The following MXD1 variants were observed in gnomAD, a reference collection of about 807,000 sequenced individuals.
MXD1 encodes MAX dimerization protein 1.
MXD1 carries 9 observed loss-of-function variants against 25.7 expected under a neutral mutation model. The observed-to-expected ratio is 0.35, with a 90% CI of 0.21 to 0.61. MXD1 has a LOEUF of 0.61. MXD1 is among the 20% of genes least tolerant of loss of function. The pLI is 0.75. For missense variants in MXD1, 227 were observed against 292.4 expected, an observed-to-expected ratio of 0.78 and a Z score of 1.63; for synonymous variants, 99 against 113.9, an observed-to-expected ratio of 0.87 and a Z score of 0.83.
At chr2:69,929,948 C>T (rs772299323) in intron 3 of MXD1, among the ~76,000 whole-genome samples, 6 of 152,196 alleles carry the variant, frequency 3.9e-5, no homozygotes, top group Non-Finnish European at 5.9e-5. Context: ...ACAGCACATT[C>T]CTCCTCATTA....
chr2:69,926,605 T>A (rs1462885282), intron 3 of MXD1, among the ~76,000 whole-genome samples: 1 of 152,242 alleles, frequency 6.6e-6, no homozygotes, highest in African/African-American at 2.4e-5. Context: ...GTCTTATACA[T>A]GTCCTGTAAA....
intron 3 of MXD1, among the ~76,000 whole-genome samples, chr2:69,924,827 T>C (rs552072818): frequency 1.4e-4 from 21 of 152,286 alleles, no homozygotes; most frequent in African/African-American, 4.8e-4. Context: ...TTTCTTGATA[T>C]TGCAGAGTTG....
chr2:69,924,761 G>A (rs894878635), intron 3 of MXD1, among the ~76,000 whole-genome samples: 1 of 151,486 alleles, frequency 6.6e-6, no homozygotes, highest in African/African-American at 2.4e-5. Context: ...AAAAAAAAAA[G>A]GAAGAAGAAG....
intron 4 of MXD1, 25 bp downstream of exon 4, chr2:69,935,490 T>C: frequency 6.7e-7 from 1 of 1,492,694 alleles, no homozygotes; most frequent in Non-Finnish European, 9.3e-7. Flanking sequence ...GGGATGCTGC[T>C]TTATCTTTAC....
At position 69,941,262 on chromosome 2, in the gene MXD1, T is replaced by C. The variant is rs1276057430; in HGVS notation, c.*2978T>C. 1 of 152,248 alleles carries C rather than the reference T, an allele frequency of 6.6e-6. No homozygotes were observed. The highest frequency in any genetic ancestry group is 1.9e-4 in the East Asian group (1 of 5,202). The allele number at this position is 152,248 out of a possible 1,614,324, so 9.4% of individuals were successfully genotyped here. A position where few individuals can be genotyped will look rare whatever the true frequency, so the allele number is the denominator to read the frequency against. On this transcript the variant is annotated 3_prime_UTR_variant, in exon 6 of 6. Coordinates refer to ENST00000264444, the MANE Select transcript of MXD1 (RefSeq NM_002357.4). ...CAGTGGGAAAATATATATGTGTGCT[T>C]CTGTAACATCCTGAAAACATAGCTT...
rs140974687 is a variant in MXD1 at position 69,941,924 on chromosome 2, G to A, written c.*3640G>A. 2.6e-5 allele frequency: 4 copies of A among 152,072 alleles called. No individual in the cohort carries two copies. The highest frequency in any genetic ancestry group is 9.6e-5 in the African/African-American group (4 of 41,490). The allele number at this position is 152,072 out of a possible 1,614,324, so 9.4% of individuals were successfully genotyped here. A position where few individuals can be genotyped will look rare whatever the true frequency, so the allele number is the denominator to read the frequency against. On this transcript the variant is annotated 3_prime_UTR_variant, in exon 6 of 6. Coordinates refer to ENST00000264444, the MANE Select transcript of MXD1 (RefSeq NM_002357.4). ...GGTTTTTATACCATACTGTATTGGC[G>A]AGAATACCACTATCATTGTCCTTTA...
Position 69,937,268 on chromosome 2 carries a change from CA to C in MXD1, c.355del (p.Ile119SerfsTer11). 1 of 1,614,044 alleles carries C rather than the reference CA, an allele frequency of 6.2e-7. No homozygotes were observed. Among genetic ancestry groups the C allele is most frequent in the African/African-American group, 1.3e-5 (1 of 75,058 alleles). On this transcript the variant is annotated frameshift_variant, in exon 5 of 6. Coordinates refer to ENST00000264444, the MANE Select transcript of MXD1 (RefSeq NM_002357.4). LOFTEE classifies it high-confidence loss of function. ...LEDCDRKAVH[Q>X]IDQLQREQRH... ...AGATTGTGACAGAAAAGCCGTTCAC[CA>C]AATCGACCAGCTTCAGCGAGAGCAG...
chr2:69,918,403 A>G (rs1445486009), intron 2 of MXD1, among the ~76,000 whole-genome samples: 2 of 151,610 alleles, frequency 1.3e-5, no homozygotes, highest in Admixed American at 1.3e-4. Flanking sequence ...AACAACAAAA[A>G]TGAAAATGAA....
At position 69,931,993 on chromosome 2, in the gene MXD1, C is replaced by T. The variant is rs564676216; in HGVS notation, c.204-3358C>T. Among the ~76,000 whole-genome samples, 523 of 152,250 alleles carry T rather than the reference C, an allele frequency of 3.4e-3. 3 individuals carry two copies. The highest frequency in any genetic ancestry group is 0.01 in the African/African-American group (433 of 41,536). On this transcript the variant is annotated intron_variant, in intron 3 of 5. Coordinates refer to ENST00000264444, the MANE Select transcript of MXD1 (RefSeq NM_002357.4). Reference sequence around the variant, plus strand: ...TGGGAGGAGAGTCAACTTCCTGGGTCACACTGAGGTGTCGGGTGGCTTCCT... The same window carrying T: ...TGGGAGGAGAGTCAACTTCCTGGGTTACACTGAGGTGTCGGGTGGCTTCCT...
intron 5 of MXD1, 100 bp from the exon 6 acceptor site, chr2:69,937,997 T>G: frequency 8.7e-7 from 1 of 1,146,350 alleles, no homozygotes; most frequent in Non-Finnish European, 1.2e-6. Flanking sequence ...TCCACCCGCC[T>G]TTGCCTCCCA....
intron 3 of MXD1, among the ~76,000 whole-genome samples, chr2:69,929,759 A>T (rs1677242143): frequency 6.6e-6 from 1 of 152,234 alleles, no homozygotes; most frequent in East Asian, 1.9e-4. Context: ...TTTTCTGAAT[A>T]ATCCATTCTT....
At chr2:69,917,827 C>CA (rs772479623) in intron 2 of MXD1, among the ~76,000 whole-genome samples, 5,219 of 88,646 alleles carry the variant, frequency 0.059, 146 homozygotes, top group Non-Finnish European at 0.074. Context: ...AGTACTATGC[C>CA]AAAAAAAAAA....
chr2:69,921,966 C>A (rs1677072412), intron 3 of MXD1, among the ~76,000 whole-genome samples: 1 of 152,164 alleles, frequency 6.6e-6, no homozygotes, highest in Admixed American at 6.5e-5. Flanking sequence ...ACACCCCTAA[C>A]CCTCACCCGC....
At chr2:69,936,250 ATC>A (rs1299153361) in intron 4 of MXD1, among the ~76,000 whole-genome samples, 1 of 152,076 alleles carries the variant, frequency 6.6e-6, no homozygotes, top group Non-Finnish European at 1.5e-5. Context: ...ATCACTGGGT[ATC>A]TCTTAGCCCT....
At chr2:69,935,770 C>T (rs1309713410) in intron 4 of MXD1, among the ~76,000 whole-genome samples, 1 of 152,152 alleles carries the variant, frequency 6.6e-6, no homozygotes. Flanking sequence ...ATTTTGCAAC[C>T]GGTCTACTTC....
rs1677512404 is a variant in MXD1 at position 69,938,444 on chromosome 2, TG to T, written c.*163del. On this transcript the variant is annotated 3_prime_UTR_variant, in exon 6 of 6. Transcript: ENST00000264444. Reference sequence around the variant, plus strand: ...GTTTTCAAGGAGGTGCTTAGGATTGTGGGTTTCTGATTGCATCCACTAGCTT... The same window carrying T: ...GTTTTCAAGGAGGTGCTTAGGATTGTGGTTTCTGATTGCATCCACTAGCTT... 1 of 697,976 alleles carries T rather than the reference TG, an allele frequency of 1.4e-6. No individual in the cohort carries two copies. 43.2% of individuals were successfully genotyped at this position (697,976 alleles called of 1,614,324 possible). A position where few individuals can be genotyped will look rare whatever the true frequency, so the allele number is the denominator to read the frequency against.
intron 1 of MXD1, 26 bp from the exon 2 acceptor site, chr2:69,916,095 A>G: frequency 7.3e-7 from 1 of 1,375,714 alleles, no homozygotes; most frequent in Non-Finnish European, 1.0e-6. Context: ...GGGCCCATTC[A>G]TTAACTGGAT....
At chr2:69,924,548 G>C (rs1316295019) in intron 3 of MXD1, among the ~76,000 whole-genome samples, 1 of 152,116 alleles carries the variant, frequency 6.6e-6, no homozygotes, top group South Asian at 2.1e-4. Flanking sequence ...AGAACTTCAG[G>C]GTTTGGAGGT....
chr2:69,920,050 C>T (rs540931086), intron 2 of MXD1, among the ~76,000 whole-genome samples: 45 of 152,136 alleles, frequency 3.0e-4, no homozygotes, highest in African/African-American at 9.9e-4. Flanking sequence ...CTCCCTCTGT[C>T]GCTAGGCTGG....
Sources: gnomAD v4.1 joint callset for allele counts (sites outside exome capture counted in the v4.1 genomes callset) on GRCh38, gnomAD v4.1.1 for gene constraint, MANE v1.5 for transcripts, NCBI Gene and HGNC (gene_info 2026-07-23, HGNC 2026-07-21) for gene names.